Variants in TENM3 observed in about 807,000 individuals in gnomAD.
The protein encoded by TENM3 is teneurin transmembrane protein 3, also known as teneurin-3.
A neutral mutation model predicts 255.1 loss-of-function variants in TENM3; 63 were observed. The observed-to-expected ratio is 0.25, with a 90% CI of 0.20 to 0.30. The LOEUF (loss-of-function observed/expected upper bound fraction) is 0.30. TENM3 is among the 10% of genes least tolerant of loss of function. The pLI is 1.00. For synonymous variants in TENM3, 1,306 were observed against 1,322.3 expected (o/e 0.99, Z 0.27); for missense variants, 2,929 against 3,461.1 (o/e 0.85, Z 3.86).
At chr4:181,926,625 C>A in the TENM3 span, among the ~76,000 whole-genome samples, 7 of 151,978 alleles carry the variant, frequency 4.6e-5, no homozygotes, top group Non-Finnish European at 8.8e-5. Flanking sequence ...CATTTCCCTA[C>A]CTTTAATGAA....
intron 3 of TENM3, among the ~76,000 whole-genome samples, chr4:182,380,879 C>T (rs542305679): frequency 2.8e-4 from 42 of 152,332 alleles, no homozygotes; most frequent in Non-Finnish European, 4.3e-4. Flanking sequence ...TCTTGAAAGT[C>T]TCTACCACAT....
At chr4:182,751,085 T>G (rs1419747798) in intron 19 of TENM3, among the ~76,000 whole-genome samples, 1 of 152,262 alleles carries the variant, frequency 6.6e-6, no homozygotes, top group African/African-American at 2.4e-5. Flanking sequence ...CACTACATTT[T>G]GTATGTCACT....
intron 4 of TENM3, among the ~76,000 whole-genome samples, chr4:182,602,514 CT>C (rs1176776385): frequency 2.6e-4 from 40 of 152,302 alleles, no homozygotes; most frequent in African/African-American, 8.7e-4. Context: ...CAATGAAAGT[CT>C]TTCTGTGTTT....
At chr4:181,500,740 G>A in the TENM3 span, among the ~76,000 whole-genome samples, 18,629 of 152,086 alleles carry the variant, frequency 0.12, 1,358 homozygotes, top group African/African-American at 0.2. Context: ...ATAATACGAG[G>A]CAACTACTCT....
At chr4:182,146,719 G>A (rs955229787) in intron 1 of TENM3, among the ~76,000 whole-genome samples, 2 of 152,092 alleles carry the variant, frequency 1.3e-5, no homozygotes, top group African/African-American at 4.8e-5. Context: ...CCATGCTAAC[G>A]TTTATATATT....
intron 3 of TENM3, among the ~76,000 whole-genome samples, chr4:182,428,226 G>C (rs1203391818): frequency 6.6e-6 from 1 of 152,130 alleles, no homozygotes; most frequent in Admixed American, 6.5e-5. Flanking sequence ...TAAGTGATAA[G>C]GAATTATTAT....
At chr4:182,055,302 G>A in the TENM3 span, among the ~76,000 whole-genome samples, 1 of 151,874 alleles carries the variant, frequency 6.6e-6, no homozygotes, top group African/African-American at 2.4e-5. Flanking sequence ...CCATGATGGT[G>A]CCACTGCACT....
chr4:182,640,814 G>A (rs1316152304), intron 5 of TENM3, among the ~76,000 whole-genome samples: 1 of 152,196 alleles, frequency 6.6e-6, no homozygotes, highest in Non-Finnish European at 1.5e-5. Flanking sequence ...TAAGTTAGGA[G>A]TAACTAAGGA....
At chr4:182,621,678 A>G (rs1750194418) in intron 4 of TENM3, among the ~76,000 whole-genome samples, 1 of 24,700 alleles carries the variant, frequency 4.0e-5, no homozygotes, top group Non-Finnish European at 7.8e-5. Flanking sequence ...TTATATATAT[A>G]AAATATATAA....
At chr4:181,708,047 G>A in the TENM3 span, among the ~76,000 whole-genome samples, 4 of 151,946 alleles carry the variant, frequency 2.6e-5, no homozygotes, top group Non-Finnish European at 5.9e-5. Flanking sequence ...TTCTCAACAT[G>A]TTACCTATGA....
chr4:182,752,066 T>A, intron 20 of TENM3, 34 bp downstream of exon 20: 1 of 1,271,992 alleles, frequency 7.9e-7, no homozygotes, highest in Non-Finnish European at 1.0e-6. Context: ...GATTTCTTTT[T>A]ATTTATTAAA....
chr4:182,640,628 GT>G (rs1752222237), intron 5 of TENM3, among the ~76,000 whole-genome samples: 1 of 152,084 alleles, frequency 6.6e-6, no homozygotes, highest in Admixed American at 6.5e-5. Context: ...AGCATTGCAT[GT>G]TTAAAATAAG....
At chr4:182,726,411 C>G (rs1484000262) in intron 13 of TENM3, among the ~76,000 whole-genome samples, 3 of 61,194 alleles carry the variant, frequency 4.9e-5, no homozygotes, top group East Asian at 1.0e-3. Flanking sequence ...TTGCTCCAGC[C>G]CTTGCTCCGC....
At chr4:182,304,579 T>C (rs550958227) in intron 1 of TENM3, among the ~76,000 whole-genome samples, 1 of 152,260 alleles carries the variant, frequency 6.6e-6, no homozygotes, top group East Asian at 1.9e-4. Context: ...CAGGAAATAC[T>C]ATTGATGATT....
the TENM3 span, among the ~76,000 whole-genome samples, chr4:181,749,521 T>G: frequency 6.6e-6 from 1 of 152,138 alleles, no homozygotes; most frequent in African/African-American, 2.4e-5. Context: ...AAAAGCAAAA[T>G]GTTTGAGGGC....
At chr4:182,587,255 G>A (rs893465580) in intron 3 of TENM3, among the ~76,000 whole-genome samples, 2 of 151,772 alleles carry the variant, frequency 1.3e-5, no homozygotes, top group Non-Finnish European at 2.9e-5. Flanking sequence ...TACCACCATG[G>A]CCCCATTAAT....
intron 1 of TENM3, among the ~76,000 whole-genome samples, chr4:182,309,073 G>T (rs564805189): frequency 6.6e-6 from 1 of 152,104 alleles, no homozygotes; most frequent in Non-Finnish European, 1.5e-5. Context: ...TTCTTGGGAC[G>T]AATCAGACAC....
chr4:182,680,852 T>C, intron 10 of TENM3, 115 bp downstream of exon 10: 1 of 753,312 alleles, frequency 1.3e-6, no homozygotes, highest in East Asian at 3.3e-5. Context: ...AAAGCAATTT[T>C]GAAAAATCCA....
the TENM3 span, among the ~76,000 whole-genome samples, chr4:181,608,499 CTG>C: frequency 6.6e-6 from 1 of 151,574 alleles, no homozygotes. Flanking sequence ...CAGAGAGTAA[CTG>C]TGTCATATGA....
Sources: gnomAD v4.1 joint callset for allele counts (sites outside exome capture counted in the v4.1 genomes callset) on GRCh38, gnomAD v4.1.1 for gene constraint, MANE v1.5 for transcripts, NCBI Gene and HGNC (gene_info 2026-07-23, HGNC 2026-07-21) for gene names.